Variants in GAS7 observed in about 807,000 individuals in gnomAD.
GAS7 encodes growth arrest-specific protein 7.
GAS7 carries 28 observed loss-of-function variants against 71.1 expected under a neutral mutation model. The ratio of observed to expected loss-of-function variants is 0.39; its 90% confidence interval spans 0.29 to 0.54. The LOEUF (loss-of-function observed/expected upper bound fraction) is 0.54. Among genes scored for constraint, GAS7 ranks in the 20% least tolerant of loss-of-function variants. The pLI, the probability that GAS7 is intolerant of heterozygous loss-of-function variation, is 0.62. For missense variants in GAS7, 436 were observed against 627.8 expected, an observed-to-expected ratio of 0.69 and a Z score of 3.27; for synonymous variants, 258 against 245.8, an observed-to-expected ratio of 1.05 and a Z score of -0.46.
intron 1 of GAS7, among the ~76,000 whole-genome samples, chr17:10,047,267 G>A (rs2072990624): frequency 6.6e-6 from 1 of 152,232 alleles, no homozygotes; most frequent in Admixed American, 6.5e-5. Context: ...GGAACTGTGA[G>A]TTTTCATGTT....
At chr17:10,148,458 A>G (rs2074138089) in intron 1 of GAS7, among the ~76,000 whole-genome samples, 1 of 150,450 alleles carries the variant, frequency 6.6e-6, no homozygotes, top group Non-Finnish European at 1.5e-5. Flanking sequence ...AAATTACAAA[A>G]AAAAAAAAAA....
At chr17:9,941,712 A>G (rs16959047) in intron 7 of GAS7, among the ~76,000 whole-genome samples, 3,352 of 152,302 alleles carry the variant, frequency 0.022, 138 homozygotes, top group African/African-American at 0.076. Context: ...TTTTACAGCA[A>G]TTTTCCTATT....
intron 1 of GAS7, among the ~76,000 whole-genome samples, chr17:10,110,800 C>T (rs1281576938): frequency 6.6e-6 from 1 of 152,124 alleles, no homozygotes; most frequent in African/African-American, 2.4e-5. Flanking sequence ...AGTTGGATAG[C>T]AGAGCAGAGG....
intron 1 of GAS7, among the ~76,000 whole-genome samples, chr17:10,090,618 C>T (rs145914796): frequency 2.0e-5 from 3 of 152,256 alleles, no homozygotes; most frequent in African/African-American, 7.2e-5. Flanking sequence ...CAGAGCCTGG[C>T]AGAGAGGGAA....
chr17:10,154,947 CACACACACAA>C (rs1290572340), intron 1 of GAS7, among the ~76,000 whole-genome samples: 4 of 132,088 alleles, frequency 3.0e-5, no homozygotes, highest in African/African-American at 5.9e-5. Flanking sequence ...CACACACACA[CACACACACAA>C]AACCCATGTC....
chr17:10,005,214 C>T (rs201041516), intron 2 of GAS7, among the ~76,000 whole-genome samples: 33,212 of 147,312 alleles, frequency 0.23, 5,375 homozygotes, highest in African/African-American at 0.5. Flanking sequence ...TGTGCATGTG[C>T]GCGTGTGCAT....
At chr17:10,035,882 G>A (rs549958250) in intron 1 of GAS7, among the ~76,000 whole-genome samples, 3 of 152,240 alleles carry the variant, frequency 2.0e-5, no homozygotes, top group African/African-American at 7.2e-5. Flanking sequence ...CTTCTGCTAG[G>A]GAGCCATGAC....
At chr17:10,194,283 C>T (rs1008882950) in intron 1 of GAS7, among the ~76,000 whole-genome samples, 1 of 152,188 alleles carries the variant, frequency 6.6e-6, no homozygotes, top group African/African-American at 2.4e-5. Context: ...GAATTATTTC[C>T]CAAAAGCTCT....
chr17:9,985,088 T>A (rs1276234041), intron 2 of GAS7, among the ~76,000 whole-genome samples: 1 of 152,038 alleles, frequency 6.6e-6, no homozygotes, highest in African/African-American at 2.4e-5. Flanking sequence ...CCACCCTATG[T>A]CCCATCCCTC....
intron 1 of GAS7, among the ~76,000 whole-genome samples, chr17:10,048,296 C>T (rs967972788): frequency 2.6e-5 from 4 of 152,146 alleles, no homozygotes; most frequent in Admixed American, 6.5e-5. Context: ...TGCGCCTGGG[C>T]GACAAAGCTA....
chr17:10,167,044 C>CTTTTTTTTTTT lies in GAS7; in HGVS notation c.183+31153_183+31163dup, dbSNP rs1164151104. ...AAACCAATCTACTATTTCCATTTGTCTTTTTTTTTTTTTTTTTTTTTTTTT... is the reference window on the plus strand; with the variant it reads ...AAACCAATCTACTATTTCCATTTGTCTTTTTTTTTTTTTTTTTTTTTTTTTTTTTTTTTTTT... On this transcript the variant is annotated intron_variant, in intron 1 of 13. Coordinates refer to ENST00000432992, the MANE Select transcript of GAS7 (RefSeq NM_201433.2). Among the ~76,000 whole-genome samples, 530 of 58,796 alleles carry CTTTTTTTTTTT rather than the reference C, an allele frequency of 9.0e-3. 80 individuals carry two copies. The highest frequency in any genetic ancestry group is 0.012 in the African/African-American group (143 of 12,290). 38.6% of individuals were successfully genotyped at this position (58,796 alleles called of 152,430 possible). A position where few individuals can be genotyped will look rare whatever the true frequency, so the allele number is the denominator to read the frequency against.
intron 11 of GAS7, among the ~76,000 whole-genome samples, chr17:9,923,339 C>G (rs1464308669): frequency 1.3e-5 from 2 of 148,636 alleles, no homozygotes; most frequent in Non-Finnish European, 3.0e-5. Flanking sequence ...GGAAATATCA[C>G]TGTACAGAAA....
At chr17:9,931,560 G>C (rs1284813670) in intron 9 of GAS7, among the ~76,000 whole-genome samples, 1 of 152,232 alleles carries the variant, frequency 6.6e-6, no homozygotes, top group East Asian at 1.9e-4. Context: ...GGCCCCGACA[G>C]GGGAAGGGAG....
In GAS7 at chr17:9,926,758, C is replaced by T; in HGVS notation, c.897G>A (p.Glu299=). 1 of 1,614,088 alleles carries T rather than the reference C, an allele frequency of 6.2e-7. No homozygotes were observed. The highest frequency in any genetic ancestry group is 1.1e-5 in the South Asian group (1 of 91,086). The change falls in exon 10 of 14, where the codon GAG becomes GAA. Residue 299 remains glutamate, a synonymous_variant. Transcript: ENST00000432992. This position sits in a 1 kb window ranked among gnomAD's most constrained non-coding sequence, Gnocchi z 5.0. ...HLKFSAKLHS[E]VEKPLMNFRE... ...GGAAGTTCATCAGGGGCTTCTCCAC[C>T]TCGCTGTGAAGCTGTTGGGAGAGTA...
intron 1 of GAS7, among the ~76,000 whole-genome samples, chr17:10,078,077 G>GTGTGTTTTGTTT (rs569660717): frequency 4.0e-5 from 6 of 149,850 alleles, no homozygotes; most frequent in African/African-American, 1.5e-4. Context: ...GTGTGTGTGT[G>GTGTGTTTTGTTT]TGTTTTGTTT....
chr17:10,074,585 T>C (rs528160669), intron 1 of GAS7, among the ~76,000 whole-genome samples: 13 of 152,302 alleles, frequency 8.5e-5, no homozygotes, highest in African/African-American at 2.6e-4. Context: ...AAATTCCAAA[T>C]TGACTCAAGA....
chr17:9,939,810 A>AT (rs1488156291), intron 8 of GAS7, among the ~76,000 whole-genome samples: 4 of 152,052 alleles, frequency 2.6e-5, no homozygotes, highest in African/African-American at 9.7e-5. Flanking sequence ...GGGTTTCACT[A>AT]TGTGGGCCAG....
At chr17:9,947,987 G>A (rs1194421405) in intron 5 of GAS7, among the ~76,000 whole-genome samples, 3 of 152,102 alleles carry the variant, frequency 2.0e-5, no homozygotes, top group African/African-American at 4.8e-5. Context: ...TTAAAGAATA[G>A]TAATTATATT....
chr17:9,918,138 C>T (rs775354136), intron 12 of GAS7, 39 bp from the exon 13 acceptor site: 1 of 1,474,896 alleles, frequency 6.8e-7, no homozygotes, highest in East Asian at 2.3e-5. Context: ...CTGAGCACGT[C>T]CCCTCCACTT....
Sources: allele counts gnomAD v4.1 joint callset (sites outside exome capture counted in the v4.1 genomes callset), GRCh38; gene constraint gnomAD v4.1.1; non-coding constraint Gnocchi (gnomAD v3.1); transcripts MANE v1.5; gene names NCBI Gene and HGNC (gene_info 2026-07-23, HGNC 2026-07-21).